The following ZNF469 variants were observed in gnomAD, a reference collection of about 807,000 sequenced individuals.
ZNF469 encodes zinc finger protein 469.
A neutral mutation model predicts 1.0 loss-of-function variants in ZNF469; 1 was observed. That is an observed-to-expected ratio of 1.00 (90% confidence interval 0.35 to 4.73). ZNF469 has a LOEUF of 4.73. ZNF469 is among the 30% of genes most tolerant of loss of function. The pLI, the probability that ZNF469 is intolerant of heterozygous loss-of-function variation, is 0.16. For missense variants in ZNF469, 6,100 were observed against 5,356.3 expected (o/e 1.14, Z -4.33); for synonymous variants, 2,703 against 2,363.4 (o/e 1.14, Z -4.17).
the ZNF469 span, among the ~76,000 whole-genome samples, chr16:88,146,528 C>T: frequency 0.025 from 3,753 of 152,170 alleles, 194 homozygotes; most frequent in African/African-American, 0.087. Flanking sequence ...TCTCAGCCCC[C>T]GTGGGGTTTT....
At chr16:88,135,389 G>C in the ZNF469 span, among the ~76,000 whole-genome samples, 3 of 152,232 alleles carry the variant, frequency 2.0e-5, no homozygotes, top group African/African-American at 7.2e-5. Context: ...GGTTGACTCT[G>C]TTGTCAGTGA....
chr16:88,287,297 T>C, the ZNF469 span, among the ~76,000 whole-genome samples: 3 of 152,244 alleles, frequency 2.0e-5, no homozygotes, highest in Non-Finnish European at 4.4e-5. Flanking sequence ...TGTTTTGCTG[T>C]CACAGTGAAA....
the ZNF469 span, among the ~76,000 whole-genome samples, chr16:88,267,600 CCTCTGG>C: frequency 2.0e-5 from 3 of 152,134 alleles, no homozygotes; most frequent in African/African-American, 7.2e-5. Context: ...TGTGTTCCTC[CCTCTGG>C]GGCAGGCTGG....
chr16:88,309,931 C>T, the ZNF469 span, among the ~76,000 whole-genome samples: 3 of 152,224 alleles, frequency 2.0e-5, no homozygotes, highest in African/African-American at 4.8e-5. Context: ...CTGCCAGAGG[C>T]CAGATCCCTC....
the ZNF469 span, among the ~76,000 whole-genome samples, chr16:88,213,868 G>T: frequency 6.6e-6 from 1 of 152,190 alleles, no homozygotes; most frequent in South Asian, 2.1e-4. Flanking sequence ...AGAGGCTTAC[G>T]ATGAGAGCTC....
the ZNF469 span, among the ~76,000 whole-genome samples, chr16:88,321,601 T>C: frequency 2.0e-5 from 3 of 151,578 alleles, no homozygotes; most frequent in Admixed American, 2.0e-4. Flanking sequence ...CTTACCTGAT[T>C]GGTGTGGCCT....
At chr16:88,175,808 C>T in the ZNF469 span, among the ~76,000 whole-genome samples, 1 of 152,088 alleles carries the variant, frequency 6.6e-6, no homozygotes, top group Non-Finnish European at 1.5e-5. Flanking sequence ...AACTCAACAA[C>T]CCAGAAAGGA....
At chr16:88,325,525 A>G in the ZNF469 span, among the ~76,000 whole-genome samples, 1 of 152,250 alleles carries the variant, frequency 6.6e-6, no homozygotes, top group Non-Finnish European at 1.5e-5. Flanking sequence ...AGCCAGGGGC[A>G]CTATGTGTGG....
the ZNF469 span, among the ~76,000 whole-genome samples, chr16:88,144,490 C>T: frequency 1.3e-5 from 2 of 152,146 alleles, no homozygotes; most frequent in South Asian, 2.1e-4. Context: ...CACCCCAGCC[C>T]GTGACACGTG....
At chr16:88,313,372 C>G in the ZNF469 span, among the ~76,000 whole-genome samples, 1 of 152,160 alleles carries the variant, frequency 6.6e-6, no homozygotes. Context: ...AATTTTTATA[C>G]CTTGTAATTC....
rs1469822345 is a variant in ZNF469, at chr16:88,432,844, G to A, written c.5374G>A (p.Ala1792Thr). The A allele has an allele frequency of 1.3e-6, 2 of 1,550,008 alleles. No individual in the cohort carries two copies. The highest frequency in any genetic ancestry group is 1.4e-5 in the African/African-American group (1 of 72,974). ...TADQPHRGAP[A>T]PEAFGSPAVH... ...AGACCAGCCCCACCGAGGGGCCCCT[G>A]CTCCAGAAGCTTTTGGCAGCCCTGC... Residue 1792 changes from alanine to threonine, a missense_variant, in exon 3 of 3, where the codon GCT becomes ACT. Transcript: ENST00000565624.
chr16:88,282,344 C>G, the ZNF469 span, among the ~76,000 whole-genome samples: 1 of 152,108 alleles, frequency 6.6e-6, no homozygotes, highest in African/African-American at 2.4e-5. Flanking sequence ...AAAGTCAGCC[C>G]TGGGTGATGA....
At chr16:88,354,387 G>A in the ZNF469 span, among the ~76,000 whole-genome samples, 10 of 152,294 alleles carry the variant, frequency 6.6e-5, no homozygotes, top group South Asian at 2.1e-4. Context: ...AACCCGGGAC[G>A]CAGGCGGCGG....
intron 1 of ZNF469, among the ~76,000 whole-genome samples, chr16:88,407,824 G>T (rs1905060087): frequency 6.6e-6 from 1 of 152,256 alleles, no homozygotes; most frequent in African/African-American, 2.4e-5. Flanking sequence ...GAGCCCTGCT[G>T]GTGCCCACTC....
At chr16:88,193,286 A>G in the ZNF469 span, among the ~76,000 whole-genome samples, 13,340 of 49,116 alleles carry the variant, frequency 0.27, 854 homozygotes, top group East Asian at 0.49. Flanking sequence ...GTGGTGGTGG[A>G]GATGGTGGTG....
chr16:88,372,209 TCATCACCATCACCACTATCATCAC>T, the ZNF469 span, among the ~76,000 whole-genome samples: 2 of 11,182 alleles, frequency 1.8e-4, no homozygotes, highest in East Asian at 0.015. Flanking sequence ...ATTACCACCA[TCATCACCATCACCACTATCATCAC>T]CATCACCATC....
the ZNF469 span, among the ~76,000 whole-genome samples, chr16:88,226,152 A>T: frequency 6.6e-6 from 1 of 152,160 alleles, no homozygotes; most frequent in South Asian, 2.1e-4. Context: ...GGAGGGTGCT[A>T]AACGTCTTCC....
chr16:88,224,982 A>C, the ZNF469 span, among the ~76,000 whole-genome samples: 2 of 152,132 alleles, frequency 1.3e-5, no homozygotes, highest in Admixed American at 1.3e-4. Context: ...CCCCAACGCT[A>C]ATCCTAACCC....
the ZNF469 span, among the ~76,000 whole-genome samples, chr16:88,273,961 G>A: frequency 6.6e-6 from 1 of 152,146 alleles, no homozygotes; most frequent in African/African-American, 2.4e-5. Flanking sequence ...CTGCCACCAT[G>A]CTCGGCTAAT....
Sources: allele counts gnomAD v4.1 joint callset (sites outside exome capture counted in the v4.1 genomes callset), GRCh38; gene constraint gnomAD v4.1.1; transcripts MANE v1.5; gene names NCBI Gene and HGNC (gene_info 2026-07-23, HGNC 2026-07-21).